Variants in DLGAP1 observed in about 807,000 individuals in gnomAD.
DLGAP1 encodes the protein disks large-associated protein 1.
A neutral mutation model predicts 90.8 loss-of-function variants in DLGAP1; 11 were observed. That is an observed-to-expected ratio of 0.12 (90% CI 0.08 to 0.20). The LOEUF is 0.20. Ranked by LOEUF, DLGAP1 falls within the 10% of genes least tolerant of loss-of-function variation. The pLI is 1.00. For synonymous variants in DLGAP1, 558 were observed against 540.7 expected, an observed-to-expected ratio of 1.03 and a Z score of -0.44; for missense variants, 1,050 against 1,333.8, an observed-to-expected ratio of 0.79 and a Z score of 3.31.
intron 1 of DLGAP1, among the ~76,000 whole-genome samples, chr18:4,376,737 T>C (rs1265291189): frequency 6.6e-6 from 1 of 152,150 alleles, no homozygotes; most frequent in African/African-American, 2.4e-5. Context: ...ATGGGTTGTG[T>C]TTCTCTCTGT....
intron 1 of DLGAP1, among the ~76,000 whole-genome samples, chr18:4,419,883 C>T (rs1226362971): frequency 1.3e-5 from 2 of 151,914 alleles, no homozygotes; most frequent in Non-Finnish European, 2.9e-5. Flanking sequence ...TAGAAAACAG[C>T]TAACATAGAA....
At chr18:3,892,297 C>G (rs891751508) in intron 3 of DLGAP1, among the ~76,000 whole-genome samples, 3 of 152,110 alleles carry the variant, frequency 2.0e-5, no homozygotes, top group Non-Finnish European at 4.4e-5. Flanking sequence ...GAATGTGACT[C>G]AAGGTGGGAG....
At chr18:3,865,232 A>G (rs1010609029) in intron 4 of DLGAP1, among the ~76,000 whole-genome samples, 4 of 152,218 alleles carry the variant, frequency 2.6e-5, no homozygotes, top group African/African-American at 9.6e-5. Flanking sequence ...CAGACAGTGC[A>G]TATTTGTCCG....
At chr18:3,697,860 G>A (rs960036202) in intron 7 of DLGAP1, among the ~76,000 whole-genome samples, 1 of 152,072 alleles carries the variant, frequency 6.6e-6, no homozygotes, top group Non-Finnish European at 1.5e-5. Context: ...TTATGAATCT[G>A]GGTGCTCCTA....
intron 1 of DLGAP1, among the ~76,000 whole-genome samples, chr18:4,390,424 T>C (rs1326303395): frequency 6.6e-6 from 1 of 152,012 alleles, no homozygotes; most frequent in Non-Finnish European, 1.5e-5. Context: ...TGTTGCACAT[T>C]CTACGAGCTT....
At chr18:3,693,873 T>G (rs1006057197) in intron 7 of DLGAP1, among the ~76,000 whole-genome samples, 1 of 151,850 alleles carries the variant, frequency 6.6e-6, no homozygotes, top group South Asian at 2.1e-4. Flanking sequence ...TGATGTAAGC[T>G]GATGATGGCA....
intron 2 of DLGAP1, among the ~76,000 whole-genome samples, chr18:4,051,383 A>C (rs966200253): frequency 1.3e-5 from 2 of 152,342 alleles, no homozygotes; most frequent in South Asian, 4.1e-4. Flanking sequence ...TTGTGGCAGA[A>C]GGGGAAGCAA....
At chr18:4,024,799 T>A (rs927040189) in intron 2 of DLGAP1, among the ~76,000 whole-genome samples, 9 of 152,186 alleles carry the variant, frequency 5.9e-5, no homozygotes, top group Non-Finnish European at 1.3e-4. Flanking sequence ...TGGGAGTGAC[T>A]TCTAAGGAGC....
At chr18:3,571,769 G>A (rs678450) in intron 8 of DLGAP1, among the ~76,000 whole-genome samples, 20,241 of 151,956 alleles carry the variant, frequency 0.13, 1,468 homozygotes, top group East Asian at 0.18. Flanking sequence ...CTCGTGATCC[G>A]CCCGCCTCGG....
At chr18:3,819,616 C>A (rs1027367672) in intron 4 of DLGAP1, among the ~76,000 whole-genome samples, 1 of 152,066 alleles carries the variant, frequency 6.6e-6, no homozygotes, top group Non-Finnish European at 1.5e-5. Context: ...ATGATCCTTA[C>A]AACTATCATG....
intron 4 of DLGAP1, among the ~76,000 whole-genome samples, chr18:3,839,426 T>A (rs1386494552): frequency 6.6e-6 from 1 of 152,118 alleles, no homozygotes; most frequent in Admixed American, 6.6e-5. Flanking sequence ...AATCCACACG[T>A]AGGCATTGGT....
chr18:4,085,457 C>T (rs8085393), intron 2 of DLGAP1, among the ~76,000 whole-genome samples: 100,034 of 151,740 alleles, frequency 0.66, 34,063 homozygotes, highest in African/African-American at 0.78. Context: ...TCCCTTCTTA[C>T]CACAGGAGAA....
intron 7 of DLGAP1, among the ~76,000 whole-genome samples, chr18:3,703,614 T>C (rs1200458999): frequency 6.6e-6 from 1 of 152,256 alleles, no homozygotes; most frequent in African/African-American, 2.4e-5. Context: ...GAAAGTTCAC[T>C]AGATATGGAC....
At chr18:3,901,799 G>A (rs886871774) in intron 3 of DLGAP1, among the ~76,000 whole-genome samples, 1 of 152,160 alleles carries the variant, frequency 6.6e-6, no homozygotes. Context: ...CATATGGAGT[G>A]GCAATTAAAT....
chr18:4,427,181 G>A (rs1304210588), intron 1 of DLGAP1, among the ~76,000 whole-genome samples: 1 of 152,198 alleles, frequency 6.6e-6, no homozygotes, highest in East Asian at 1.9e-4. Context: ...ATGGAGCAGA[G>A]AGACTGTTCC....
intron 7 of DLGAP1, among the ~76,000 whole-genome samples, chr18:3,605,621 C>T (rs542768057): frequency 3.9e-5 from 6 of 152,306 alleles, no homozygotes; most frequent in African/African-American, 1.4e-4. Context: ...CATTGGACTC[C>T]TTTCCTTAAA....
At chr18:3,542,154 G>C (rs28541992) in intron 9 of DLGAP1, among the ~76,000 whole-genome samples, 4,805 of 152,302 alleles carry the variant, frequency 0.032, 233 homozygotes, top group African/African-American at 0.1. Flanking sequence ...TACTAGGAGA[G>C]AAGGAGGTTG....
intron 10 of DLGAP1, among the ~76,000 whole-genome samples, chr18:3,525,103 AT>A (rs1229980320): frequency 0.015 from 1,220 of 83,606 alleles, 16 homozygotes; most frequent in African/African-American, 0.047. Context: ...AAAAAAAAAA[AT>A]CAACAACATT....
intron 1 of DLGAP1, among the ~76,000 whole-genome samples, chr18:4,273,984 T>TA (rs1164170700): frequency 2.0e-5 from 3 of 152,132 alleles, no homozygotes; most frequent in African/African-American, 7.2e-5. Context: ...CATTGATTTT[T>TA]ACTATAATTT....
Sources: allele counts gnomAD v4.1 joint callset (sites outside exome capture counted in the v4.1 genomes callset), GRCh38; gene constraint gnomAD v4.1.1; transcripts MANE v1.5; gene names NCBI Gene and HGNC (gene_info 2026-07-23, HGNC 2026-07-21).